Variants in ZC4H2 observed in about 807,000 individuals in gnomAD.
The protein encoded by ZC4H2 is zinc finger C4H2 domain-containing protein.
For missense variants in ZC4H2, 137 were observed against 173.9 expected (o/e 0.79, Z 1.19); for synonymous variants, 84 against 66.3 (o/e 1.27, Z -1.30).
intron 1 of ZC4H2, among the ~76,000 whole-genome samples, chrX:64,935,987 G>T (rs1929992167): frequency 9.1e-6 from 1 of 110,417 alleles, no homozygotes; most frequent in South Asian, 3.9e-4. Flanking sequence ...AGCTAAAGGA[G>T]CATGTTCTAA....
chrX:64,953,378 A>G (rs1001792201), intron 1 of ZC4H2, among the ~76,000 whole-genome samples: 1 of 112,073 alleles, frequency 8.9e-6, no homozygotes, highest in African/African-American at 3.2e-5. Context: ...ATCAGATTGA[A>G]CAGGCAACCT....
intron 1 of ZC4H2, among the ~76,000 whole-genome samples, chrX:64,972,961 A>T (rs939439323): frequency 1.8e-5 from 2 of 112,006 alleles, no homozygotes; most frequent in Admixed American, 1.9e-4. Flanking sequence ...AAAGCAGTTT[A>T]ATTTAAGTCA....
At chrX:64,981,037 T>A (rs1325119469), upstream of ZC4H2, among the ~76,000 whole-genome samples, 2 of 109,441 alleles carry the variant, frequency 1.8e-5, no homozygotes, top group Non-Finnish European at 3.8e-5. Context: ...GGGCATACAA[T>A]GATCTGGAGG....
intron 1 of ZC4H2, among the ~76,000 whole-genome samples, chrX:64,974,106 G>C (rs1230738740): frequency 9.0e-6 from 1 of 111,600 alleles, no homozygotes; most frequent in Admixed American, 9.5e-5. Context: ...AAATGTTAAA[G>C]CTTTTGTTAT....
At chrX:64,988,577 GGTTT>G (rs1018866300) in intron 1 of ZC4H2, among the ~76,000 whole-genome samples, 7 of 110,457 alleles carry the variant, frequency 6.3e-5, no homozygotes, top group East Asian at 2.8e-4. Flanking sequence ...CTTTTTGATG[GGTTT>G]GTTTTTTTTT....
At chrX:64,957,918 G>GC (rs1276343355) in intron 1 of ZC4H2, among the ~76,000 whole-genome samples, 1 of 110,663 alleles carries the variant, frequency 9.0e-6, no homozygotes, top group Non-Finnish European at 1.9e-5. Flanking sequence ...ATTAGCCTAG[G>GC]CCTACACAGG....
At chrX:64,945,111 C>T (rs765320530) in intron 1 of ZC4H2, among the ~76,000 whole-genome samples, 20 of 113,025 alleles carry the variant, frequency 1.8e-4, no homozygotes, top group East Asian at 1.1e-3. Flanking sequence ...CATCCAGTTT[C>T]GTGCCCTTGC....
At chrX:64,971,402 T>TTC (rs1931776062) in intron 1 of ZC4H2, among the ~76,000 whole-genome samples, 1 of 110,416 alleles carries the variant, frequency 9.1e-6, no homozygotes, top group South Asian at 3.9e-4. Flanking sequence ...AACTGGGAGG[T>TTC]GGAGAGTGGG....
At chrX:64,963,720 G>A (rs1451287811) in intron 1 of ZC4H2, among the ~76,000 whole-genome samples, 2 of 111,171 alleles carry the variant, frequency 1.8e-5, no homozygotes, top group Non-Finnish European at 3.8e-5. Flanking sequence ...CTAGGTATTT[G>A]TCCAAAAGAA....
chrX:64,939,570 T>C (rs543534430), intron 1 of ZC4H2, among the ~76,000 whole-genome samples: 3 of 112,119 alleles, frequency 2.7e-5, no homozygotes, highest in Non-Finnish European at 5.6e-5. Context: ...CGAAACTGCA[T>C]GCTACTGGTA....
intron 1 of ZC4H2, among the ~76,000 whole-genome samples, chrX:64,948,257 A>G (rs1039731625): frequency 1.8e-5 from 2 of 111,646 alleles, no homozygotes; most frequent in African/African-American, 6.5e-5. Flanking sequence ...CCAGGATTGG[A>G]TTCGTTCCAG....
chrX:64,982,260 C>T (rs985587845), intron 1 of ZC4H2, among the ~76,000 whole-genome samples: 4 of 111,909 alleles, frequency 3.6e-5, no homozygotes, highest in Non-Finnish European at 7.5e-5. Context: ...TCCTTTATAT[C>T]ACCAGAACTA....
intron 1 of ZC4H2, among the ~76,000 whole-genome samples, chrX:65,015,557 G>A (rs1932791853): frequency 9.0e-6 from 1 of 111,667 alleles, no homozygotes; most frequent in Admixed American, 9.5e-5. Flanking sequence ...TGGAATAATT[G>A]GTTTAGGCCT....
chrX:64,958,404 T>C (rs1371543098), intron 1 of ZC4H2, among the ~76,000 whole-genome samples: 1 of 112,005 alleles, frequency 8.9e-6, no homozygotes, highest in East Asian at 2.8e-4. Flanking sequence ...TGTATTTGTG[T>C]GTGTGTATAT....
chrX:64,989,975 G>A (rs1007134772), intron 1 of ZC4H2, among the ~76,000 whole-genome samples: 3 of 111,910 alleles, frequency 2.7e-5, no homozygotes, highest in Non-Finnish European at 5.6e-5. Context: ...TGTCAGTTTT[G>A]TATTTTTAAA....
At chrX:65,030,810 T>C (rs1251105564) in intron 1 of ZC4H2, among the ~76,000 whole-genome samples, 1 of 111,387 alleles carries the variant, frequency 9.0e-6, no homozygotes, top group Admixed American at 9.5e-5. Flanking sequence ...GGATATCTGA[T>C]TAGATATCTC....
chrX:64,988,004 G>T (rs1053138681), intron 1 of ZC4H2, among the ~76,000 whole-genome samples: 1 of 105,348 alleles, frequency 9.5e-6, no homozygotes. Context: ...CTGTCCTTGC[G>T]GTAGTTTGCT....
chrX:64,970,013 T>G (rs1931722387), intron 1 of ZC4H2, among the ~76,000 whole-genome samples: 1 of 111,455 alleles, frequency 9.0e-6, no homozygotes, highest in Non-Finnish European at 1.9e-5. Flanking sequence ...GATTAGAAGA[T>G]CCTTCTGATG....
At chrX:64,926,131 G>T (rs896886923) in intron 1 of ZC4H2, among the ~76,000 whole-genome samples, 2 of 111,890 alleles carry the variant, frequency 1.8e-5, no homozygotes, top group Non-Finnish European at 3.8e-5. Flanking sequence ...GGCTTTGATG[G>T]TGCCATTAAT....
Sources: gnomAD v4.1 joint callset for allele counts (sites outside exome capture counted in the v4.1 genomes callset) on GRCh38, gnomAD v4.1.1 for gene constraint, MANE v1.5 for transcripts, NCBI Gene and HGNC (gene_info 2026-07-23, HGNC 2026-07-21) for gene names.